Variants in C6orf120 observed in about 807,000 individuals in gnomAD.
The protein encoded by C6orf120 is chromosome 6 open reading frame 120, also known as UPF0669 protein C6orf120.
For missense variants in C6orf120, 311 were observed against 264.2 expected (o/e 1.18, Z -1.23); for synonymous variants, 165 against 123.1 (o/e 1.34, Z -2.25).
At chr6:169,705,245 A>T, downstream of C6orf120, 1 of 1,613,234 alleles carries the variant, frequency 6.2e-7, no homozygotes. Context: ...TGCATGTTTT[A>T]CATTCCATAC....
exon 1 of C6orf120, chr6:169,702,561 G>C (rs935136506): frequency 1.9e-6 from 3 of 1,612,908 alleles, no homozygotes; most frequent in African/African-American, 1.3e-5. Context: ...ACGAGGAGGA[G>C]GTCCCCGAGG....
At chr6:169,706,291 G>A (rs190482358), downstream of C6orf120, among the ~76,000 whole-genome samples, 6 of 151,330 alleles carry the variant, frequency 4.0e-5, no homozygotes, top group South Asian at 4.2e-4. Context: ...GTACATAAAC[G>A]TTTGTGGAAA....
At chr6:169,704,806 G>T in exon 1 of C6orf120, 1 of 211,322 alleles carries the variant, frequency 4.7e-6, no homozygotes. Flanking sequence ...TAAAGACGTA[G>T]CAGTCATTTT....
exon 1 of C6orf120, chr6:169,704,502 CT>C: frequency 5.5e-6 from 1 of 182,222 alleles, no homozygotes; most frequent in Non-Finnish European, 1.3e-5. Flanking sequence ...GCTGACAGCA[CT>C]TTAAAACTTT....
At chr6:169,702,656 T>G (rs1436250959) in exon 1 of C6orf120, 2 of 1,613,260 alleles carry the variant, frequency 1.2e-6, no homozygotes, top group Non-Finnish European at 1.7e-6. Flanking sequence ...GGCAAGATAG[T>G]CCTCAGGATG....
At chr6:169,705,849 A>C, downstream of C6orf120, 1 of 648,132 alleles carries the variant, frequency 1.5e-6, no homozygotes, top group Non-Finnish European at 2.8e-6. Flanking sequence ...CCATTTTGAA[A>C]GACAAAACTT....
At chr6:169,705,239 T>C (rs1316102446), downstream of C6orf120, 5 of 1,613,224 alleles carry the variant, frequency 3.1e-6, no homozygotes, top group Non-Finnish European at 4.2e-6. Flanking sequence ...ATATAATGCA[T>C]GTTTTACATT....
upstream of C6orf120, chr6:169,702,150 G>A (rs771300056): frequency 2.9e-5 from 18 of 612,312 alleles, no homozygotes; most frequent in East Asian, 2.1e-4. Context: ...CGAGGCTCCG[G>A]CCTCGGGTCC....
chr6:169,702,517 G>T, exon 1 of C6orf120: 1 of 1,608,426 alleles, frequency 6.2e-7, no homozygotes, highest in Non-Finnish European at 8.5e-7. Flanking sequence ...GCTGCTCCTA[G>T]CCTCGCAGGT....
At chr6:169,703,951 G>T in exon 1 of C6orf120, 1 of 1,343,892 alleles carries the variant, frequency 7.4e-7, no homozygotes, top group Non-Finnish European at 1.0e-6. Context: ...GTTGTAAATG[G>T]CACCAAATAT....
chr6:169,703,169 G>C (rs1364659562), exon 1 of C6orf120: 8 of 980,108 alleles, frequency 8.2e-6, no homozygotes, highest in African/African-American at 1.6e-5. Flanking sequence ...AAAGCCATAC[G>C]CAGTTTTGTT....
chr6:169,702,161 G>T (rs571618117), upstream of C6orf120: 104 of 632,156 alleles, frequency 1.6e-4, 1 homozygote, highest in South Asian at 1.6e-3. Flanking sequence ...CCTCGGGTCC[G>T]GATGTATAAA....
chr6:169,703,023 A>G, exon 1 of C6orf120: 13 of 1,554,012 alleles, frequency 8.4e-6, no homozygotes, highest in South Asian at 7.1e-5. Context: ...TGGTACTTGA[A>G]ATTCTCTTTT....
chr6:169,702,157 G>T, upstream of C6orf120: 1 of 626,538 alleles, frequency 1.6e-6, no homozygotes. Context: ...CCGGCCTCGG[G>T]TCCGGATGTA....
downstream of C6orf120, chr6:169,704,985 A>C (rs1788726867): frequency 1.9e-6 from 1 of 513,570 alleles, no homozygotes; most frequent in Non-Finnish European, 3.4e-6. Context: ...AAGCTGGTGG[A>C]CATGACCTGT....
chr6:169,705,821 G>A (rs1425090658), downstream of C6orf120: 2 of 727,096 alleles, frequency 2.8e-6, no homozygotes, highest in African/African-American at 3.5e-5. Context: ...TTTACTTTTG[G>A]TAACTTGCTA....
At chr6:169,704,326 G>A (rs1361550647) in exon 1 of C6orf120, 2 of 459,798 alleles carry the variant, frequency 4.3e-6, no homozygotes, top group Non-Finnish European at 7.8e-6. Flanking sequence ...ATGCCATACG[G>A]TGATACGGAC....
At chr6:169,704,879 A>C (rs568761769), downstream of C6orf120, 46 of 360,560 alleles carry the variant, frequency 1.3e-4, no homozygotes, top group Middle Eastern at 7.6e-4. Context: ...TTCAGTAGAA[A>C]AACACCAGCT....
exon 1 of C6orf120, chr6:169,702,758 G>A: frequency 6.2e-7 from 1 of 1,613,306 alleles, no homozygotes. Flanking sequence ...GCCACCTGCG[G>A]CCCGGACGCC....
Sources: gnomAD v4.1 joint callset for allele counts (sites outside exome capture counted in the v4.1 genomes callset) on GRCh38, gnomAD v4.1.1 for gene constraint, MANE v1.5 for transcripts, NCBI Gene and HGNC (gene_info 2026-07-23, HGNC 2026-07-21) for gene names.